NCOA7: variants seen among roughly 807,000 people sequenced by gnomAD.
The protein encoded by NCOA7 is nuclear receptor coactivator 7.
NCOA7 carries 45 observed loss-of-function variants against 104.3 expected under a neutral mutation model. The observed-to-expected ratio is 0.43, with a 90% CI of 0.34 to 0.55. NCOA7 has a LOEUF of 0.55. Among genes scored for constraint, NCOA7 ranks in the 20% least tolerant of loss-of-function variants. The pLI, the probability that NCOA7 is intolerant of heterozygous loss-of-function variation, is 0.02. For missense variants in NCOA7, 1,041 were observed against 1,119.7 expected (o/e 0.93, Z 1.00); for synonymous variants, 398 against 402.3 (o/e 0.99, Z 0.13).
rs183236291 is a variant in NCOA7, at chr6:125,878,445, A to G, written c.459+75A>G. The G allele has an allele frequency of 6.2e-5, 57 of 923,410 alleles. No individual in the cohort carries two copies. In the Admixed American group the frequency reaches 1.3e-3, roughly 21 times the overall value. The allele number at this position is 923,410 out of a possible 1,614,324, so 57.2% of individuals were successfully genotyped here. ...TTATTGCCGTTTTCAGTGCCTCACT[A>G]TTGTTTGTCACAGGATTATGATAAA... On this transcript the variant is annotated intron_variant, in intron 5 of 15. Coordinates refer to ENST00000392477, the MANE Select transcript of NCOA7 (RefSeq NM_181782.5).
At chr6:125,866,303 T>C (rs1782440163) in intron 3 of NCOA7, among the ~76,000 whole-genome samples, 1 of 151,854 alleles carries the variant, frequency 6.6e-6, no homozygotes, top group Non-Finnish European at 1.5e-5. Flanking sequence ...CACTCCAGCC[T>C]GGACAACAAG....
At chr6:125,879,882 TA>T (rs1783681283) in intron 5 of NCOA7, among the ~76,000 whole-genome samples, 2 of 152,144 alleles carry the variant, frequency 1.3e-5, no homozygotes, top group Admixed American at 1.3e-4. Context: ...TGGGTTCCTA[TA>T]ATCCCAGCTA....
At chr6:125,807,768 G>A (rs1008361028) in intron 1 of NCOA7, among the ~76,000 whole-genome samples, 2 of 152,084 alleles carry the variant, frequency 1.3e-5, no homozygotes, top group Non-Finnish European at 2.9e-5. Flanking sequence ...CAGGGCATAA[G>A]AAAAAATACT....
chr6:125,920,921 T>G, intron 11 of NCOA7, 22 bp from the exon 12 acceptor site: 1 of 1,609,248 alleles, frequency 6.2e-7, no homozygotes, highest in Non-Finnish European at 8.5e-7. Flanking sequence ...GTTATTTTTC[T>G]TGGCTTGTTT....
At chr6:125,902,798 G>A (rs4897160) in intron 10 of NCOA7, among the ~76,000 whole-genome samples, 64,702 of 151,972 alleles carry the variant, frequency 0.43, 14,631 homozygotes, top group Admixed American at 0.57. Context: ...CCTTGTGTTC[G>A]TCCCAGGTCC....
chr6:125,858,129 C>A (rs1190608095), intron 3 of NCOA7, among the ~76,000 whole-genome samples: 1 of 151,968 alleles, frequency 6.6e-6, no homozygotes, highest in East Asian at 1.9e-4. Flanking sequence ...ATTTGATTAC[C>A]TATGTACAGG....
At chr6:125,896,069 T>C (rs896236331) in intron 10 of NCOA7, among the ~76,000 whole-genome samples, 1 of 148,764 alleles carries the variant, frequency 6.7e-6, no homozygotes, top group Non-Finnish European at 1.5e-5. Context: ...ATAATACATA[T>C]ATATATATAA....
chr6:125,887,558 A>G (rs536986484), intron 8 of NCOA7, among the ~76,000 whole-genome samples: 1 of 152,340 alleles, frequency 6.6e-6, no homozygotes, highest in South Asian at 2.1e-4. Context: ...GAGCCAACCA[A>G]TTACATAGGC....
intron 11 of NCOA7, 95 bp downstream of exon 11, chr6:125,915,575 G>A (rs1396926635): frequency 1.2e-5 from 17 of 1,457,408 alleles, no homozygotes; most frequent in Non-Finnish European, 1.6e-5. Context: ...TAAGAAACTA[G>A]AGTCCCTGTG....
In NCOA7 at chr6:125,889,006, G is replaced by C. The variant is rs753710443; in HGVS notation, c.952G>C (p.Asp318His). 6.2e-7 allele frequency: 1 copy of C among 1,609,386 alleles called. No homozygotes were observed. Among genetic ancestry groups the C allele is most frequent in the Non-Finnish European group, 8.5e-7 (1 of 1,177,270 alleles). The change falls in exon 9 of 16, where the codon GAT becomes CAT. Residue 318 changes from aspartate (D) to histidine (H), a missense_variant. Around this residue, in one of 2 missense-constraint regions of NCOA7, gnomAD observed 914 missense variants for 942.7 expected, o/e 0.97. Coordinates refer to ENST00000392477, the MANE Select transcript of NCOA7 (RefSeq NM_181782.5). ...ATGGGAAGACCTGGCTTCAGAAAAG[G>C]ATATCAACCCATTCAGTAAGTTCAA... ...GEWEDLASEK[D>H]INPFSKFKSI...
intron 2 of NCOA7, among the ~76,000 whole-genome samples, chr6:125,825,174 CAAAAA>C (rs60707053): frequency 1.8e-5 from 1 of 54,102 alleles, no homozygotes; most frequent in East Asian, 5.5e-4. Flanking sequence ...CCTGTCTCTA[CAAAAA>C]AAAAAAAAAA....
chr6:125,876,601 T>TAAAAAAAAAAA (rs202233696), intron 4 of NCOA7, among the ~76,000 whole-genome samples: 1 of 129,652 alleles, frequency 7.7e-6, no homozygotes. Flanking sequence ...GTAGTGACAG[T>TAAAAAAAAAAA]AAAAAAAAAA....
At chr6:125,881,862 T>C (rs546807767) in intron 6 of NCOA7, among the ~76,000 whole-genome samples, 1 of 152,196 alleles carries the variant, frequency 6.6e-6, no homozygotes, top group East Asian at 1.9e-4. Flanking sequence ...TTGTTGTTTG[T>C]GTGTGTGAGA....
At chr6:125,914,426 G>T (rs1035470419) in intron 10 of NCOA7, among the ~76,000 whole-genome samples, 4 of 152,138 alleles carry the variant, frequency 2.6e-5, no homozygotes, top group African/African-American at 9.7e-5. Flanking sequence ...AAAATGGTTT[G>T]ATCTGTTAGG....
At chr6:125,790,687 G>C (rs1275253006), upstream of NCOA7, 2 of 152,106 alleles carry the variant, frequency 1.3e-5, no homozygotes, top group African/African-American at 4.8e-5. Flanking sequence ...GGAGGAGCTA[G>C]AGGCGGGCGT....
At chr6:125,846,592 A>C (rs1313494166) in intron 2 of NCOA7, among the ~76,000 whole-genome samples, 1 of 152,202 alleles carries the variant, frequency 6.6e-6, no homozygotes, top group Non-Finnish European at 1.5e-5. Flanking sequence ...CTGTGAGTGC[A>C]CAATCCATTG....
chr6:125,800,727 T>G (rs1314287774), intron 1 of NCOA7, among the ~76,000 whole-genome samples: 1 of 152,140 alleles, frequency 6.6e-6, no homozygotes, highest in Admixed American at 6.5e-5. Context: ...GGAACAATAA[T>G]TATAAAATGA....
chr6:125,887,266 T>G (rs941083826), intron 8 of NCOA7, among the ~76,000 whole-genome samples: 2 of 152,202 alleles, frequency 1.3e-5, no homozygotes, highest in African/African-American at 4.8e-5. Flanking sequence ...TTGGGTTTCT[T>G]TGTTGCAGGA....
chr6:125,885,413 G>C (rs1437309140), intron 8 of NCOA7, 70 bp downstream of exon 8: 9 of 1,480,456 alleles, frequency 6.1e-6, no homozygotes, highest in Non-Finnish European at 8.3e-6. Context: ...AAAAATGAGG[G>C]CATTTGCATG....
Sources: allele counts gnomAD v4.1 joint callset (sites outside exome capture counted in the v4.1 genomes callset), GRCh38; gene constraint gnomAD v4.1.1; regional missense constraint gnomAD v4.1.1; transcripts MANE v1.5; gene names NCBI Gene and HGNC (gene_info 2026-07-23, HGNC 2026-07-21).